The following TJP1 variants were observed in gnomAD, a reference collection of about 807,000 sequenced individuals.
TJP1 encodes the protein tight junction protein ZO-1.
TJP1 carries 43 observed loss-of-function variants against 194.2 expected under a neutral mutation model. The ratio of observed to expected loss-of-function variants is 0.22; its 90% CI spans 0.17 to 0.29. The LOEUF (loss-of-function observed/expected upper bound fraction) is 0.29, where lower values mean the gene tolerates loss of function less well. TJP1 is among the 10% of genes least tolerant of loss of function. TJP1 has a pLI of 1.00. For missense variants in TJP1, 1,971 were observed against 2,185.7 expected (o/e 0.90, Z 1.96); for synonymous variants, 801 against 779.0 (o/e 1.03, Z -0.47).
chr15:29,767,508 C>A (rs1208644405), intron 4 of TJP1, among the ~76,000 whole-genome samples: 1 of 152,152 alleles, frequency 6.6e-6, no homozygotes, highest in African/African-American at 2.4e-5. Flanking sequence ...ATGACTTTTT[C>A]TTGACCCCTC....
At chr15:29,766,936 A>G (rs1295495809) in intron 4 of TJP1, among the ~76,000 whole-genome samples, 1 of 152,234 alleles carries the variant, frequency 6.6e-6, no homozygotes, top group Non-Finnish European at 1.5e-5. Flanking sequence ...GCAAACTTCC[A>G]TGCCCAACTT....
chr15:29,850,203 G>T (rs785452), intron 2 of TJP1, among the ~76,000 whole-genome samples: 3 of 152,068 alleles, frequency 2.0e-5, no homozygotes, highest in African/African-American at 7.2e-5. Context: ...CTGTAGTTCT[G>T]GCTGACGTCT....
chr15:29,863,576 G>A (rs141859260), intron 2 of TJP1, among the ~76,000 whole-genome samples: 55 of 152,146 alleles, frequency 3.6e-4, no homozygotes, highest in African/African-American at 1.3e-3. Context: ...CTTTAGGCTC[G>A]CCCAGGCAGA....
intron 2 of TJP1, among the ~76,000 whole-genome samples, chr15:29,921,641 G>A (rs575237427): frequency 8.5e-5 from 13 of 152,128 alleles, no homozygotes; most frequent in South Asian, 4.2e-4. Flanking sequence ...CTTTTCCACC[G>A]CTGCATCTTC....
At chr15:29,743,364 T>C (rs572989445) in intron 8 of TJP1, among the ~76,000 whole-genome samples, 1 of 152,300 alleles carries the variant, frequency 6.6e-6, no homozygotes, top group African/African-American at 2.4e-5. Flanking sequence ...AACTATTTCA[T>C]ACAGTTTAAC....
At chr15:29,887,123 T>C (rs1324589920) in intron 2 of TJP1, among the ~76,000 whole-genome samples, 1 of 151,874 alleles carries the variant, frequency 6.6e-6, no homozygotes, top group Non-Finnish European at 1.5e-5. Flanking sequence ...TGAGAAAAGA[T>C]GGCACCCACT....
chr15:29,872,075 C>T lies in TJP1; in HGVS notation c.307-71373G>A, dbSNP rs116237515. 4.2e-3 allele frequency among the ~76,000 whole-genome samples: 643 copies of T among 152,180 alleles called. 4 individuals are homozygous for T. The highest frequency in any genetic ancestry group is 0.015 in the African/African-American group (613 of 41,522). On this transcript the variant is annotated intron_variant, in intron 2 of 28. Transcript: ENST00000356107. ...GGGTGGGCTGTGGAAGAAGAAACCT[C>T]GTAGGCAGCGGGGGACACAATGGTG...
chr15:29,733,609 CAT>C (rs777060724), intron 12 of TJP1, among the ~76,000 whole-genome samples: 2 of 152,150 alleles, frequency 1.3e-5, no homozygotes, highest in African/African-American at 2.4e-5. Context: ...TAGACATTTC[CAT>C]ATCTAAATCA....
At chr15:29,739,222 C>T (rs903901709) in intron 10 of TJP1, among the ~76,000 whole-genome samples, 1 of 152,152 alleles carries the variant, frequency 6.6e-6, no homozygotes. Flanking sequence ...CATATCTCAC[C>T]AACAGTGTCA....
At chr15:29,953,684 G>A (rs1397281087) in intron 2 of TJP1, among the ~76,000 whole-genome samples, 1 of 152,088 alleles carries the variant, frequency 6.6e-6, no homozygotes, top group African/African-American at 2.4e-5. Context: ...CTAAAAACAT[G>A]CAGAGTAAGA....
intron 2 of TJP1, among the ~76,000 whole-genome samples, chr15:29,776,986 C>A (rs2047054619): frequency 6.6e-6 from 1 of 152,100 alleles, no homozygotes; most frequent in African/African-American, 2.4e-5. Context: ...TACATTCCTT[C>A]AAGTAAACAA....
chr15:29,807,461 A>G (rs1226420922), intron 1 of TJP1, among the ~76,000 whole-genome samples: 1 of 152,226 alleles, frequency 6.6e-6, no homozygotes, highest in South Asian at 2.1e-4. Flanking sequence ...TTGAAGATAG[A>G]TACAAAGATC....
At chr15:29,745,832 T>C (rs1050480225) in intron 8 of TJP1, among the ~76,000 whole-genome samples, 1 of 152,158 alleles carries the variant, frequency 6.6e-6, no homozygotes, top group African/African-American at 2.4e-5. Flanking sequence ...ACTGAAATAA[T>C]TTAGCTGAGT....
rs764428074 is a variant in TJP1 at position 29,800,743 on chromosome 15, A to AAAC, written c.28-42_28-41insGTT. 3 of 1,596,730 alleles carry AAAC rather than the reference A, an allele frequency of 1.9e-6. No individual in the cohort carries two copies. The East Asian group carries it at 6.7e-5, about 36-fold the overall frequency. On this transcript the variant is annotated intron_variant, in intron 1 of 27. Transcript: ENST00000614355. ...AAAAACAAATCATTTACCTTTTAAG[A>AAAC]AAATGTCCTTAATAAGGTGAGCAAG...
chr15:29,898,066 G>C (rs950815610), intron 2 of TJP1, among the ~76,000 whole-genome samples: 1 of 152,174 alleles, frequency 6.6e-6, no homozygotes, highest in African/African-American at 2.4e-5. Flanking sequence ...GAGGGGCCAG[G>C]AGCGGAATGA....
At chr15:29,795,091 T>G (rs1392252083) in intron 2 of TJP1, among the ~76,000 whole-genome samples, 1 of 152,170 alleles carries the variant, frequency 6.6e-6, no homozygotes, top group Non-Finnish European at 1.5e-5. Flanking sequence ...ATACTCATAA[T>G]TTTAACAACT....
intron 2 of TJP1, among the ~76,000 whole-genome samples, chr15:29,888,497 T>G (rs557481581): frequency 8.5e-5 from 13 of 152,290 alleles, no homozygotes; most frequent in African/African-American, 3.1e-4. Flanking sequence ...CATCCTAAAG[T>G]TCCAATTTTT....
At chr15:29,800,537 A>G in intron 2 of TJP1, 109 bp downstream of exon 2, 1 of 1,008,104 alleles carries the variant, frequency 9.9e-7, no homozygotes. Context: ...GAATATAGAA[A>G]AAGTTTCCTC....
At chr15:29,915,021 A>G (rs1391001206) in intron 2 of TJP1, among the ~76,000 whole-genome samples, 1 of 152,202 alleles carries the variant, frequency 6.6e-6, no homozygotes, top group Non-Finnish European at 1.5e-5. Flanking sequence ...TGTTCAATGA[A>G]TACTCTGGAA....
Sources: allele counts gnomAD v4.1 joint callset (sites outside exome capture counted in the v4.1 genomes callset), GRCh38; gene constraint gnomAD v4.1.1; transcripts MANE v1.5; gene names NCBI Gene and HGNC (gene_info 2026-07-23, HGNC 2026-07-21).